Variants in AFG3L2 observed in about 807,000 individuals in gnomAD.
AFG3L2 encodes mitochondrial inner membrane m-AAA protease component AFG3L2.
In AFG3L2, 54 loss-of-function variants were observed where a neutral mutation model predicts 94.5. That is an observed-to-expected ratio of 0.57 (90% CI 0.46 to 0.72). The LOEUF (loss-of-function observed/expected upper bound fraction) is 0.72, where lower values mean the gene tolerates loss of function less well. Ranked by LOEUF, AFG3L2 falls within the 30% of genes least tolerant of loss-of-function variation. The pLI, the probability that AFG3L2 is intolerant of heterozygous loss-of-function variation, is 0.00. For missense variants in AFG3L2, 754 were observed against 994.9 expected (o/e 0.76, Z 3.26); for synonymous variants, 377 against 365.5 (o/e 1.03, Z -0.36).
chr18:12,363,676 A>G, intron 6 of AFG3L2, 106 bp downstream of exon 6: 1 of 876,392 alleles, frequency 1.1e-6, no homozygotes, highest in Non-Finnish European at 1.9e-6. Flanking sequence ...GTTCTGATAT[A>G]TCTGGTGCGT....
In AFG3L2 at chr18:12,329,706, C is replaced by T. The variant is rs766377417; in HGVS notation, c.2253G>A (p.Ala751=). 1.6e-5 allele frequency: 26 copies of T among 1,614,018 alleles called. No homozygotes were observed. Among genetic ancestry groups the T allele is most frequent in the South Asian group, 3.3e-5 (3 of 91,078 alleles). Residue 751 remains alanine (A), a synonymous_variant, in exon 17 of 17, where the codon GCG becomes GCA. Coordinates refer to ENST00000269143, the MANE Select transcript of AFG3L2 (RefSeq NM_006796.3). ...MVELLGPRPF[A]EKSTYEEFVE... ...CAAATTCTTCATAGGTAGATTTTTCCGCAAATGGTCTGGGGCCCAAAAGTT... is the reference window on the plus strand; with the variant it reads ...CAAATTCTTCATAGGTAGATTTTTCTGCAAATGGTCTGGGGCCCAAAAGTT...
rs768999765 is a variant in AFG3L2 at position 12,359,961 on chromosome 18, G to T, written c.718C>A (p.Arg240=). 1 of 1,613,880 alleles carries T rather than the reference G, an allele frequency of 6.2e-7. No individual in the cohort carries two copies. Among genetic ancestry groups the T allele is most frequent in the Admixed American group, 1.7e-5 (1 of 59,990 alleles). Residue 240 remains arginine, a synonymous_variant, in exon 7 of 17, where the codon CGG becomes AGG. Coordinates refer to ENST00000269143, the MANE Select transcript of AFG3L2 (RefSeq NM_006796.3). Reference sequence around the variant, plus strand: ...TCAGCAATGTAGACAACAGGCACCCGATTTTCTCCTTCTATGCCCAATTCC... The same window carrying T: ...TCAGCAATGTAGACAACAGGCACCCTATTTTCTCCTTCTATGCCCAATTCC... The part of the protein sequence containing the change: ...QQELGIEGEN[R]VPVVYIAESD...
Position 12,350,977 on chromosome 18 carries a change from GGAAGCCCACAGTAAA to G in AFG3L2, c.1552+93_1552+107del, listed in dbSNP as rs1382090287. 3 of 1,440,854 alleles carry G rather than the reference GGAAGCCCACAGTAAA, an allele frequency of 2.1e-6. No homozygotes were observed. The East Asian group carries it at 6.9e-5, about 33-fold the overall frequency. The allele number at this position is 1,440,854 out of a possible 1,614,324, so 89.3% of individuals were successfully genotyped here. A position where few individuals can be genotyped will look rare whatever the true frequency, so the allele number is the denominator to read the frequency against. ...AAATAAAAATGAGAATATAAACTTA[GGAAGCCCACAGTAAA>G]GAAGTGAAAAGGTAAGAAAGTAAAC... On this transcript the variant is annotated intron_variant, in intron 12 of 16. Coordinates refer to ENST00000269143, the MANE Select transcript of AFG3L2 (RefSeq NM_006796.3).
Position 12,353,105 on chromosome 18 carries a change from G to A in AFG3L2, c.1218C>T (p.Ile406=), listed in dbSNP as rs759447570. ...ARKNAPCILF[I]DEIDAVGRKR... ...TCCTTCCCACCGCATCGATTTCATCGATGAAGAGGATGCAAGGGGCATTCT... is the reference window on the plus strand; with the variant it reads ...TCCTTCCCACCGCATCGATTTCATCAATGAAGAGGATGCAAGGGGCATTCT... Residue 406 remains isoleucine, a synonymous_variant, in exon 10 of 17, where the codon ATC becomes ATT. Transcript: ENST00000269143. 15 of 1,614,024 alleles carry A rather than the reference G, an allele frequency of 9.3e-6. No homozygotes were observed. Among genetic ancestry groups the A allele is most frequent in the African/African-American group, 2.7e-5 (2 of 74,896 alleles).
intron 6 of AFG3L2, among the ~76,000 whole-genome samples, chr18:12,362,791 T>G (rs2143204853): frequency 6.9e-6 from 1 of 144,038 alleles, no homozygotes. Context: ...AGGACGTCCT[T>G]GCAGAGACAT....
chr18:12,376,116 C>T (rs755813259), intron 1 of AFG3L2, among the ~76,000 whole-genome samples: 3 of 152,230 alleles, frequency 2.0e-5, no homozygotes, highest in Non-Finnish European at 4.4e-5. Context: ...GCGTGAGCCC[C>T]GGCACTAGCC....
At chr18:12,372,087 C>T (rs1909009939) in intron 1 of AFG3L2, among the ~76,000 whole-genome samples, 7 of 152,070 alleles carry the variant, frequency 4.6e-5, no homozygotes, top group Admixed American at 4.6e-4. Context: ...GGGTGCATCA[C>T]GAGGTCAGGA....
At chr18:12,368,426 T>C (rs190373092) in intron 3 of AFG3L2, among the ~76,000 whole-genome samples, 2 of 152,298 alleles carry the variant, frequency 1.3e-5, no homozygotes, top group East Asian at 3.9e-4. Flanking sequence ...AAGTATACAT[T>C]GTTAACACTT....
At chr18:12,374,253 C>G (rs945428401) in intron 1 of AFG3L2, among the ~76,000 whole-genome samples, 1 of 152,202 alleles carries the variant, frequency 6.6e-6, no homozygotes, top group South Asian at 2.1e-4. Flanking sequence ...GTAAGAGATA[C>G]TAATTCACAA....
Position 12,329,635 on chromosome 18 carries a change from C to CCTTCT in AFG3L2, c.2319_2323dup (p.Gly775GlufsTer68). On this transcript the variant is annotated frameshift_variant, in exon 17 of 17. Transcript: ENST00000269143. LOFTEE classifies it high-confidence loss of function. ...CCGCTCCTTGTTCCAGTCCTTAAGGCCTTCTGGAAGTGAGGTGTCCTCATC... is the reference window on the plus strand; with the variant it reads ...CCGCTCCTTGTTCCAGTCCTTAAGGCCTTCTCTTCTGGAAGTGAGGTGTCCTCATC... 1 of 1,614,144 alleles carries CCTTCT rather than the reference C, an allele frequency of 6.2e-7. No individual in the cohort carries two copies. The highest frequency in any genetic ancestry group is 8.5e-7 in the Non-Finnish European group (1 of 1,180,030).
At chr18:12,331,808 AATATATATATATAT>A (rs35558132) in intron 16 of AFG3L2, among the ~76,000 whole-genome samples, 1 of 146,348 alleles carries the variant, frequency 6.8e-6, no homozygotes, top group African/African-American at 2.6e-5. Context: ...TAAATAAATA[AATATATATATATAT>A]ATATATATAT....
intron 8 of AFG3L2, 86 bp from the exon 9 acceptor site, chr18:12,356,917 C>T: frequency 7.4e-7 from 1 of 1,353,042 alleles, no homozygotes; most frequent in East Asian, 2.5e-5. Context: ...AGATATAACT[C>T]TGTCTCTAAA....
rs987858909 is a variant in AFG3L2, at chr18:12,336,396, C to G, written c.2175+945G>C. ...CTGTGGCCCCACTCAGAAACTGACT[C>G]AGCACAGGAGGATAGCTTCCATGCC... On this transcript the variant is annotated intron_variant, in intron 16 of 16. Coordinates refer to ENST00000269143, the MANE Select transcript of AFG3L2 (RefSeq NM_006796.3). 4.6e-5 allele frequency among the ~76,000 whole-genome samples: 7 copies of G among 152,346 alleles called. No homozygotes were observed. The East Asian group carries it at 1.3e-3, about 29-fold the overall frequency.
intron 16 of AFG3L2, among the ~76,000 whole-genome samples, chr18:12,330,489 A>G (rs1038491605): frequency 6.6e-6 from 1 of 152,010 alleles, no homozygotes; most frequent in Admixed American, 6.6e-5. Flanking sequence ...ATTAAAGCAG[A>G]ATAGGCAGCC....
At chr18:12,337,776 CTCTT>C (rs1186089864) in intron 15 of AFG3L2, among the ~76,000 whole-genome samples, 1 of 152,060 alleles carries the variant, frequency 6.6e-6, no homozygotes, top group Non-Finnish European at 1.5e-5. Context: ...CCTGATTTCT[CTCTT>C]TTTTTTTTAG....
At chr18:12,346,864 A>C (rs959841128) in intron 13 of AFG3L2, among the ~76,000 whole-genome samples, 1 of 125,476 alleles carries the variant, frequency 8.0e-6, no homozygotes, top group Non-Finnish European at 1.6e-5. Flanking sequence ...AGATCAAGCC[A>C]CTGCACTTCA....
chr18:12,352,089 C>G (rs1322179866), intron 10 of AFG3L2, among the ~76,000 whole-genome samples: 1 of 152,192 alleles, frequency 6.6e-6, no homozygotes, highest in African/African-American at 2.4e-5. Flanking sequence ...AACTGCCTAT[C>G]TGAAGGCAGA....
rs1022360121 is a variant in AFG3L2, at chr18:12,340,181, G to A, written c.1980+20C>T. ...AAATATGAATACATGAGGAGGAAAT[G>A]CACTCTTTCATATACTCACTTGGGC... On this transcript the variant is annotated intron_variant, in intron 15 of 16. Coordinates refer to ENST00000269143, the MANE Select transcript of AFG3L2 (RefSeq NM_006796.3). 7.5e-6 allele frequency: 12 copies of A among 1,593,238 alleles called. No homozygotes were observed. Among genetic ancestry groups the A allele is most frequent in the Non-Finnish European group, 1.0e-5 (12 of 1,161,754 alleles).
intron 8 of AFG3L2, among the ~76,000 whole-genome samples, chr18:12,357,798 C>T (rs1908539231): frequency 6.6e-6 from 1 of 152,058 alleles, no homozygotes; most frequent in Admixed American, 6.6e-5. Context: ...AGGGATTCAC[C>T]ATGTTGGCCA....
Sources: gnomAD v4.1 joint callset for allele counts (sites outside exome capture counted in the v4.1 genomes callset) on GRCh38, gnomAD v4.1.1 for gene constraint, MANE v1.5 for transcripts, NCBI Gene and HGNC (gene_info 2026-07-23, HGNC 2026-07-21) for gene names.